Variants in XRN1 observed in about 807,000 individuals in gnomAD.
The protein encoded by XRN1 is strand-exchange protein 1 homolog.
In XRN1, 67 loss-of-function variants were observed where a neutral mutation model predicts 222.3. The observed-to-expected ratio is 0.30, with a 90% CI of 0.25 to 0.37. The LOEUF is 0.37. XRN1 is among the 10% of genes least tolerant of loss of function. The probability of loss-of-function intolerance (pLI) is 1.00; values close to 1 mark genes in which losing one functional copy is unlikely to be tolerated. For synonymous variants in XRN1, 643 were observed against 652.4 expected (o/e 0.99, Z 0.22); for missense variants, 1,707 against 2,000.2 (o/e 0.85, Z 2.80).
intron 20 of XRN1, among the ~76,000 whole-genome samples, chr3:142,390,922 T>C (rs1044992011): frequency 6.6e-6 from 1 of 152,114 alleles, no homozygotes; most frequent in African/African-American, 2.4e-5. Context: ...TCTCATGGAA[T>C]AGGGAAAGAG....
chr3:142,327,761 T>G (rs2065561612), intron 37 of XRN1, among the ~76,000 whole-genome samples: 1 of 152,196 alleles, frequency 6.6e-6, no homozygotes, highest in Non-Finnish European at 1.5e-5. Flanking sequence ...GGGCTTTTCT[T>G]ATATTCATCA....
intron 40 of XRN1, among the ~76,000 whole-genome samples, chr3:142,312,032 A>G (rs1244791184): frequency 1.3e-5 from 2 of 152,174 alleles, no homozygotes; most frequent in Non-Finnish European, 2.9e-5. Context: ...CACAACTGTA[A>G]TATCAGCACT....
intron 1 of XRN1, among the ~76,000 whole-genome samples, chr3:142,434,762 AAAAC>A (rs1172558624): frequency 3.3e-5 from 5 of 152,202 alleles, no homozygotes; most frequent in East Asian, 1.9e-4. Context: ...TTGTCTCTAT[AAAAC>A]AAACAAACAA....
At position 142,406,295 on chromosome 3, in the gene XRN1, AT is replaced by A. The variant is rs943271428; in HGVS notation, c.1714-1220del. Among the ~76,000 whole-genome samples the A allele has an allele frequency of 1.2e-3, 184 of 152,332 alleles. 2 individuals carry two copies. The highest frequency in any genetic ancestry group is 4.3e-3 in the African/African-American group (177 of 41,578). ...ATAAATGGTGTTGGGACAACTGAATATCCATATGCAGAAGAATAAAACTGGA... is the reference window on the plus strand; with the variant it reads ...ATAAATGGTGTTGGGACAACTGAATACCATATGCAGAAGAATAAAACTGGA... On this transcript the variant is annotated intron_variant, in intron 15 of 40. Coordinates refer to ENST00000392981, the MANE Select transcript of XRN1 (RefSeq NM_001282857.2).
chr3:142,322,557 G>A (rs950824903), intron 37 of XRN1, among the ~76,000 whole-genome samples: 12 of 152,062 alleles, frequency 7.9e-5, no homozygotes, highest in Non-Finnish European at 1.6e-4. Context: ...GGGGTTGCAT[G>A]TGCCTGTAGT....
chr3:142,364,787 T>C (rs2066764409), intron 29 of XRN1, among the ~76,000 whole-genome samples: 1 of 152,166 alleles, frequency 6.6e-6, no homozygotes, highest in African/African-American at 2.4e-5. Flanking sequence ...ATAATTTTAA[T>C]GTGATATAAA....
chr3:142,421,268 C>A (rs2069021700), intron 9 of XRN1, 115 bp from the exon 10 acceptor site: 2 of 1,079,142 alleles, frequency 1.9e-6, no homozygotes, highest in Non-Finnish European at 2.5e-6. Context: ...GAATGTTACT[C>A]TTTTATATAT....
At chr3:142,400,037 TAAAAC>T (rs1393401195) in intron 19 of XRN1, among the ~76,000 whole-genome samples, 2 of 152,152 alleles carry the variant, frequency 1.3e-5, no homozygotes, top group Non-Finnish European at 2.9e-5. Flanking sequence ...ATATTTTTCT[TAAAAC>T]AAAAGATATG....
chr3:142,383,481 A>G (rs999260100), intron 21 of XRN1, 68 bp from the exon 22 acceptor site: 9 of 1,307,054 alleles, frequency 6.9e-6, no homozygotes, highest in Non-Finnish European at 8.6e-6. Flanking sequence ...TTTTTTTCCT[A>G]TGGGATTATG....
chr3:142,384,825 G>C, intron 20 of XRN1, 140 bp from the exon 21 acceptor site: 1 of 605,066 alleles, frequency 1.7e-6, no homozygotes, highest in Non-Finnish European at 2.7e-6. Context: ...AGCAGTTCCA[G>C]GTACCTAACT....
intron 29 of XRN1, among the ~76,000 whole-genome samples, chr3:142,361,847 G>A (rs546466764): frequency 6.3e-5 from 9 of 143,092 alleles, no homozygotes; most frequent in African/African-American, 2.3e-4. Context: ...TTTATGTTTT[G>A]CTAATATTTG....
chr3:142,338,570 G>C (rs922901495), intron 33 of XRN1, among the ~76,000 whole-genome samples: 2 of 152,282 alleles, frequency 1.3e-5, no homozygotes, highest in Admixed American at 1.3e-4. Flanking sequence ...CTTGAGAAAA[G>C]CAGAGGGAAA....
chr3:142,401,832 C>A (rs556289831), intron 18 of XRN1, among the ~76,000 whole-genome samples: 1 of 152,136 alleles, frequency 6.6e-6, no homozygotes, highest in Non-Finnish European at 1.5e-5. Flanking sequence ...ACCAATCTAC[C>A]GAAATGGAAT....
chr3:142,398,677 A>AT (rs2068019416), intron 19 of XRN1, among the ~76,000 whole-genome samples: 1 of 152,078 alleles, frequency 6.6e-6, no homozygotes, highest in East Asian at 1.9e-4. Context: ...CCTATAAAGT[A>AT]TTTTCACCAA....
At chr3:142,352,736 T>TG (rs1185489120) in intron 32 of XRN1, among the ~76,000 whole-genome samples, 2 of 152,254 alleles carry the variant, frequency 1.3e-5, no homozygotes, top group Admixed American at 1.3e-4. Flanking sequence ...ACCTCCTGGG[T>TG]TCAAGTGATT....
chr3:142,417,852 T>C (rs1276974731), intron 12 of XRN1: 1 of 152,154 alleles, frequency 6.6e-6, no homozygotes, highest in Non-Finnish European at 1.5e-5. Flanking sequence ...TTCTGGGAGG[T>C]AGTTTTTTAA....
chr3:142,416,853 G>A (rs1001635158), intron 13 of XRN1, among the ~76,000 whole-genome samples: 3 of 151,862 alleles, frequency 2.0e-5, no homozygotes, highest in East Asian at 2.0e-4. Context: ...CCAACATGGC[G>A]AAACACCATC....
intron 2 of XRN1, among the ~76,000 whole-genome samples, chr3:142,428,836 T>C (rs2069380407): frequency 6.6e-6 from 1 of 152,158 alleles, no homozygotes; most frequent in Non-Finnish European, 1.5e-5. Context: ...GGCATTTGGA[T>C]ATATAGGAGC....
intron 32 of XRN1, among the ~76,000 whole-genome samples, chr3:142,348,231 A>G (rs1169961487): frequency 6.6e-6 from 1 of 152,154 alleles, no homozygotes; most frequent in Non-Finnish European, 1.5e-5. Flanking sequence ...CTGGCTCTAC[A>G]TTATGAAAAT....
Sources: gnomAD v4.1 joint callset for allele counts (sites outside exome capture counted in the v4.1 genomes callset) on GRCh38, gnomAD v4.1.1 for gene constraint, MANE v1.5 for transcripts, NCBI Gene and HGNC (gene_info 2026-07-23, HGNC 2026-07-21) for gene names.